ALG3: variants seen among roughly 807,000 people sequenced by gnomAD.
The protein encoded by ALG3 is dol-P-Man:Man(5)GlcNAc(2)-PP-Dol alpha-1,3-mannosyltransferase.
ALG3 carries 39 observed loss-of-function variants against 50.5 expected under a neutral mutation model. The ratio of observed to expected loss-of-function variants is 0.77; its 90% confidence interval spans 0.60 to 1.01. The LOEUF is 1.01. Among genes scored for constraint, ALG3 ranks in the 50% least tolerant of loss-of-function variants. ALG3 has a pLI of 0.00. For missense variants in ALG3, 520 were observed against 554.8 expected, an observed-to-expected ratio of 0.94 and a Z score of 0.63; for synonymous variants, 252 against 237.2, an observed-to-expected ratio of 1.06 and a Z score of -0.58.
At position 184,242,593 on chromosome 3, in the gene ALG3, T is replaced by C. The variant is rs1315135918; in HGVS notation, c.1238A>G (p.His413Arg). Residue 413 changes from histidine to arginine, a missense_variant, in exon 9 of 9, where the codon CAT becomes CGT. By Grantham distance (29) the His-to-Arg change is conservative (BLOSUM62 0). This residue lies in a region of ALG3 where 224 missense variants were observed against 272.8 expected (regional missense o/e 0.82). Coordinates refer to ENST00000397676, the MANE Select transcript of ALG3 (RefSeq NM_005787.6). The part of the protein sequence containing the change: ...SCSSAALHIC[H>R]AVILLQLWLG... ...CCAGAGCTGCAGCAGGATGACGGCA[T>C]GGCATATGTGCAGGGCAGCAGAGCT... The C allele has an allele frequency of 6.2e-7, 1 of 1,603,164 alleles. No homozygotes were observed. The highest frequency in any genetic ancestry group is 8.5e-7 in the Non-Finnish European group (1 of 1,172,846).
rs780346699 is a variant in ALG3, at chr3:184,248,781, C to T, written c.160G>A (p.Val54Met). 6 of 1,599,556 alleles carry T rather than the reference C, an allele frequency of 3.8e-6. No homozygotes were observed. The African/African-American group carries it at 8.0e-5, about 21-fold the overall frequency. ...LVAACLCLAE[V>M]GITFWVIHRV... ...TGAATGACCCAGAAGGTGATGCCCA[C>T]CTCCGCCAGGCAGAGGCAGGCGGCC... The change falls in exon 1 of 9, where the codon GTG (valine) becomes ATG (methionine). Residue 54 changes from valine to methionine, a missense_variant. This residue lies in a region of ALG3 where 290 missense variants were observed against 265.9 expected (regional missense o/e 1.09). Coordinates refer to ENST00000397676, the MANE Select transcript of ALG3 (RefSeq NM_005787.6).
chr3:184,244,906 A>T, intron 4 of ALG3, 185 bp from the exon 5 acceptor site: 1 of 838,158 alleles, frequency 1.2e-6, no homozygotes, highest in Non-Finnish European at 1.8e-6. Flanking sequence ...GGAGGCAGAT[A>T]CATAGTCTCT....
chr3:184,248,649 TAC>T, intron 1 of ALG3, 94 bp downstream of exon 1: 2 of 1,160,630 alleles, frequency 1.7e-6, no homozygotes, highest in East Asian at 2.5e-5. Flanking sequence ...AGTGAGTGGA[TAC>T]AGAGTCTGGT....
In ALG3 at chr3:184,245,733, C is replaced by T. The variant is rs1458404889; in HGVS notation, c.276G>A (p.Gln92=). The T allele has an allele frequency of 6.2e-7, 1 of 1,613,644 alleles. No homozygotes were observed. Among genetic ancestry groups the T allele is most frequent in the Admixed American group, 1.7e-5 (1 of 60,016 alleles). ...INGTYDYTQL[Q]GDTGPLVYPA... ...CTCACACAAGTGGTCCGGTGTCACC[C>T]TGCAGTTGGGTATAGTCATAGGTAC... is the stretch of plus-strand genomic sequence containing the variant. Residue 92 remains glutamine, a synonymous_variant, in exon 2 of 9, where the codon CAG becomes CAA. Coordinates refer to ENST00000397676, the MANE Select transcript of ALG3 (RefSeq NM_005787.6).
At chr3:184,246,511 G>A (rs1270481277) in intron 1 of ALG3, among the ~76,000 whole-genome samples, 3 of 152,150 alleles carry the variant, frequency 2.0e-5, no homozygotes, top group Non-Finnish European at 4.4e-5. Flanking sequence ...GAAGCTTGCA[G>A]GGTCCCAAGT....
At position 184,243,549 on chromosome 3, in the gene ALG3, G is replaced by A; in HGVS notation, c.1009+5C>T. The A allele has an allele frequency of 1.2e-6, 2 of 1,613,686 alleles. No homozygotes were observed. Among genetic ancestry groups the A allele is most frequent in the Non-Finnish European group, 1.7e-6 (2 of 1,179,670 alleles). The stretch of plus-strand genomic sequence containing the variant: ...AGACTTACCTTCCCACAATTTAAAG[G>A]ATATGGTTGGGTGTAAGGGGCTGGG... On this transcript the variant is annotated splice_donor_5th_base_variant and intron_variant, in intron 7 of 8. Transcript: ENST00000397676.
In ALG3 at chr3:184,245,718, T is replaced by A; in HGVS notation, c.291A>T (p.Pro97=). The change falls in exon 2 of 9, where the codon CCA becomes CCT. Residue 97 remains proline (P), a synonymous_variant. Coordinates refer to ENST00000397676, the MANE Select transcript of ALG3 (RefSeq NM_005787.6). ...DYTQLQGDTG[P]LVYPAGFVYI... Reference sequence around the variant, plus strand: ...AACTTCCTGTCCCCACTCACACAAGTGGTCCGGTGTCACCCTGCAGTTGGG... The same window carrying A: ...AACTTCCTGTCCCCACTCACACAAGAGGTCCGGTGTCACCCTGCAGTTGGG... 1 of 1,612,652 alleles carries A rather than the reference T, an allele frequency of 6.2e-7. No individual in the cohort carries two copies. The highest frequency in any genetic ancestry group is 8.5e-7 in the Non-Finnish European group (1 of 1,178,746).
Position 184,243,559 on chromosome 3 carries a change from G to A in ALG3, c.1004C>T (p.Pro335Leu). 1 of 1,613,786 alleles carries A rather than the reference G, an allele frequency of 6.2e-7. No individual in the cohort carries two copies. The highest frequency in any genetic ancestry group is 8.5e-7 in the Non-Finnish European group (1 of 1,179,776). Residue 335 changes from proline to leucine, a missense_variant, in exon 7 of 9, where the codon CCC (proline) becomes CTC (leucine). Pro to Leu is a moderately conservative substitution (Grantham distance 98). Transcript: ENST00000397676. ...KRKVPPQPLTPNQIVSTLFTS... is the reference protein window; with the variant it reads ...KRKVPPQPLTLNQIVSTLFTS... Reference sequence around the variant, plus strand: ...TCCCACAATTTAAAGGATATGGTTGGGTGTAAGGGGCTGGGGTGGAACCTT... The same window carrying A: ...TCCCACAATTTAAAGGATATGGTTGAGTGTAAGGGGCTGGGGTGGAACCTT...
In ALG3 at chr3:184,245,377, A is replaced by G. The variant is rs767507977; in HGVS notation, c.445-19T>C. On this transcript the variant is annotated intron_variant, in intron 3 of 8. Transcript: ENST00000397676. ...GAGGTACCTAAAGGGAAAACACAGT[A>G]AGGTACAAGGTCAGCTCAGCAAGCC... 6.2e-7 allele frequency: 1 copy of G among 1,612,938 alleles called. No homozygotes were observed. Among genetic ancestry groups the G allele is most frequent in the African/African-American group, 1.3e-5 (1 of 74,908 alleles).
chr3:184,244,770 G>A, intron 4 of ALG3, 49 bp from the exon 5 acceptor site: 1 of 1,585,790 alleles, frequency 6.3e-7, no homozygotes, highest in South Asian at 1.1e-5. Context: ...CCAGGGCCAT[G>A]CACACAACAC....
intron 1 of ALG3, 106 bp from the exon 2 acceptor site, chr3:184,245,918 G>A (rs760947159): frequency 2.5e-4 from 203 of 823,914 alleles, no homozygotes; most frequent in Non-Finnish European, 2.8e-4. Flanking sequence ...CAATTCCCAG[G>A]GCTTTACTAC....
rs1355575051 is a variant in ALG3 at position 184,243,995 on chromosome 3, AC to A, written c.727del (p.Val243TrpfsTer32). On this transcript the variant is annotated frameshift_variant and splice_region_variant, in exon 6 of 9. Transcript: ENST00000397676. LOFTEE classifies it high-confidence loss of function. ...PKLGICAGLQ[V>X]VLGLPFLLEN... ...CAGCAGGAAGGGCAGCCCCAGCACC[AC>A]CTGAGGATTGGTGTGATGTCAGCAG... 5 of 1,612,438 alleles carry A rather than the reference AC, an allele frequency of 3.1e-6. No individual in the cohort carries two copies. Among genetic ancestry groups the A allele is most frequent in the Non-Finnish European group, 4.2e-6 (5 of 1,179,462 alleles).
chr3:184,248,888 T>C lies in ALG3; in HGVS notation c.53A>G (p.Glu18Gly), dbSNP rs760439771. ...RGRSGSAAQA[E>G]GLCKQWLQRA... is the part of the protein sequence containing the mutation. The stretch of plus-strand genomic sequence containing the variant: ...CTGCAGCCATTGCTTGCAGAGTCCC[T>C]CTGCCTGGGCCGCGGAACCGGACCG... Residue 18 changes from glutamate to glycine, a missense_variant, in exon 1 of 9, where the codon GAG (glutamate) becomes GGG (glycine). Around this residue, in one of 3 missense-constraint regions of ALG3, gnomAD observed 290 missense variants for 265.9 expected, o/e 1.09. Transcript: ENST00000397676. 95 of 1,603,948 alleles carry C rather than the reference T, an allele frequency of 5.9e-5. No individual in the cohort carries two copies. Among genetic ancestry groups the C allele is most frequent in the Non-Finnish European group, 8.0e-5 (94 of 1,175,896 alleles).
chr3:184,244,248 G>A, intron 5 of ALG3: 2 of 550,516 alleles, frequency 3.6e-6, no homozygotes, highest in Non-Finnish European at 6.4e-6. Flanking sequence ...GGCAGAGCAA[G>A]GAAGGCTCTC....
intron 1 of ALG3, among the ~76,000 whole-genome samples, chr3:184,246,936 G>A (rs948512766): frequency 6.0e-5 from 9 of 150,268 alleles, no homozygotes; most frequent in Non-Finnish European, 1.2e-4. Flanking sequence ...ACAGGGTCTC[G>A]CTCAGCCACC....
At chr3:184,248,997 A>T (rs776324720), upstream of ALG3, 7 of 1,542,558 alleles carry the variant, frequency 4.5e-6, no homozygotes, top group African/African-American at 6.8e-5. Context: ...AACCTTCGAC[A>T]CTTAGGTTCC....
rs1473544467 is a variant in ALG3, at chr3:184,244,900, G to A, written c.606-179C>T. The A allele has an allele frequency of 2.5e-5, 22 of 881,262 alleles. 1 individual carries two copies. The highest frequency in any genetic ancestry group is 2.6e-5 in the Non-Finnish European group (15 of 582,146). 54.6% of individuals were successfully genotyped at this position (881,262 alleles called of 1,614,324 possible). On this transcript the variant is annotated intron_variant, in intron 4 of 8. Coordinates refer to ENST00000397676, the MANE Select transcript of ALG3 (RefSeq NM_005787.6). ...GGGAAGAGCCTGGAGTAGGCAGGAG[G>A]CAGATACATAGTCTCTATGCCTACT...
At chr3:184,247,242 ACCT>A (rs963550868) in intron 1 of ALG3, among the ~76,000 whole-genome samples, 1 of 149,396 alleles carries the variant, frequency 6.7e-6, no homozygotes, top group Non-Finnish European at 1.5e-5. Flanking sequence ...TGATCCGCCC[ACCT>A]CAGCCTCCCA....
At chr3:184,244,104 C>A in intron 5 of ALG3, 108 bp from the exon 6 acceptor site, 2 of 1,100,802 alleles carry the variant, frequency 1.8e-6, no homozygotes, top group Non-Finnish European at 2.6e-6. Context: ...CTCAGAGGTT[C>A]CCCAATTCCC....
Sources: allele counts gnomAD v4.1 joint callset (sites outside exome capture counted in the v4.1 genomes callset), GRCh38; gene constraint gnomAD v4.1.1; regional missense constraint gnomAD v4.1.1; transcripts MANE v1.5; gene names NCBI Gene and HGNC (gene_info 2026-07-23, HGNC 2026-07-21).